The following PGBD5 variants were observed in gnomAD, a reference collection of about 807,000 sequenced individuals.
PGBD5 encodes the protein piggyBac transposable element derived 5.
Under a neutral mutation model 47.9 loss-of-function variants are expected in PGBD5, and 14 were observed. That is an observed-to-expected ratio of 0.29 (90% CI 0.19 to 0.46). PGBD5 has a LOEUF of 0.46. PGBD5 is among the 20% of genes least tolerant of loss of function. PGBD5 has a pLI of 1.00. For synonymous variants in PGBD5, 316 were observed against 306.3 expected, an observed-to-expected ratio of 1.03 and a Z score of -0.33; for missense variants, 635 against 716.0, an observed-to-expected ratio of 0.89 and a Z score of 1.29.
chr1:230,356,514 T>C (rs1238708296), intron 2 of PGBD5, among the ~76,000 whole-genome samples: 2 of 152,192 alleles, frequency 1.3e-5, no homozygotes, highest in South Asian at 2.1e-4. Flanking sequence ...AGGAGGCTTC[T>C]AGCCTCCTTT....
intron 1 of PGBD5, among the ~76,000 whole-genome samples, chr1:230,399,582 G>A (rs1190365611): frequency 6.6e-6 from 1 of 152,180 alleles, no homozygotes; most frequent in Non-Finnish European, 1.5e-5. Context: ...CATGGACCAC[G>A]TAGAGCCAGC....
chr1:230,417,689 C>G (rs1257399948), intron 1 of PGBD5, among the ~76,000 whole-genome samples: 1 of 152,198 alleles, frequency 6.6e-6, no homozygotes, highest in African/African-American at 2.4e-5. Flanking sequence ...TCCAACCCAG[C>G]TGGAGGAAGT....
At chr1:230,362,173 C>T in intron 1 of PGBD5, 7 of 1,249,750 alleles carry the variant, frequency 5.6e-6, no homozygotes, top group East Asian at 5.2e-5. Context: ...CTTCAGCAGG[C>T]TCACTCTGCT....
chr1:230,327,257 T>A (rs1159028174), intron 5 of PGBD5, among the ~76,000 whole-genome samples: 3 of 152,154 alleles, frequency 2.0e-5, no homozygotes, highest in African/African-American at 7.2e-5. Context: ...TTGTGAAATT[T>A]CAGCAATACT....
chr1:230,353,607 G>A (rs115078775), intron 2 of PGBD5, among the ~76,000 whole-genome samples: 4,175 of 152,218 alleles, frequency 0.027, 132 homozygotes, highest in African/African-American at 0.082. Context: ...TGTTTGGAGT[G>A]CAGCCCTGAA....
chr1:230,399,063 G>GT (rs1037230926), intron 1 of PGBD5, among the ~76,000 whole-genome samples: 4 of 151,726 alleles, frequency 2.6e-5, no homozygotes, highest in East Asian at 1.9e-4. Flanking sequence ...TACTAAGGGG[G>GT]GGTGGCTAAG....
intron 1 of PGBD5, among the ~76,000 whole-genome samples, chr1:230,410,267 T>C (rs1359532047): frequency 6.6e-6 from 1 of 152,096 alleles, no homozygotes; most frequent in Admixed American, 6.5e-5. Flanking sequence ...TTCTTAAAAT[T>C]CAAGAACATG....
intron 5 of PGBD5, among the ~76,000 whole-genome samples, chr1:230,327,509 G>A (rs994681180): frequency 1.3e-5 from 2 of 152,262 alleles, no homozygotes; most frequent in Non-Finnish European, 1.5e-5. Context: ...GCCAAGGCCT[G>A]CCCTAGAGAC....
intron 5 of PGBD5, 123 bp downstream of exon 5, chr1:230,332,721 G>T: frequency 8.9e-7 from 1 of 1,129,100 alleles, no homozygotes; most frequent in East Asian, 2.4e-5. Flanking sequence ...GAATAACCGA[G>T]GGTAGTCTGA....
chr1:230,384,010 G>C (rs182210956), intron 1 of PGBD5, among the ~76,000 whole-genome samples: 1 of 150,792 alleles, frequency 6.6e-6, no homozygotes, highest in African/African-American at 2.5e-5. Context: ...GAGAAACAGC[G>C]TGCTTGTCCC....
Position 230,367,483 on chromosome 1 carries a change from C to G in PGBD5, c.332-10162G>C, listed in dbSNP as rs185423342. The stretch of plus-strand genomic sequence containing the variant: ...TTGAGAGTCCGAGGCTGGAGGGTTG[C>G]TTAAGCCCAGGAGTTTGAGACCAGC... On this transcript the variant is annotated intron_variant, in intron 1 of 6. Coordinates refer to ENST00000391860, the MANE Select transcript of PGBD5 (RefSeq NM_001258311.2). 3.6e-3 allele frequency among the ~76,000 whole-genome samples: 554 copies of G among 152,290 alleles called. 1 individual carries two copies. Among genetic ancestry groups the G allele is most frequent in the Middle Eastern group, 6.8e-3 (2 of 294 alleles).
rs1168447583 is a variant in PGBD5 at position 230,426,065 on chromosome 1, G to T, written c.-137C>A. 4.2e-5 allele frequency: 13 copies of T among 311,910 alleles called. No individual in the cohort carries two copies. The highest frequency in any genetic ancestry group is 2.1e-4 in the African/African-American group (9 of 42,148). The allele number at this position is 311,910 out of a possible 1,614,324, so 19.3% of individuals were successfully genotyped here. A position where few individuals can be genotyped will look rare whatever the true frequency, so the allele number is the denominator to read the frequency against. On this transcript the variant is annotated 5_prime_UTR_variant, in exon 1 of 7. Coordinates refer to ENST00000391860, the MANE Select transcript of PGBD5 (RefSeq NM_001258311.2). Reference sequence around the variant, plus strand: ...AGCGCCCGCCGCCCCGTGCCCGGCCGGCCCGCCGTCTTGGCCGCCTCGGGC... The same window carrying T: ...AGCGCCCGCCGCCCCGTGCCCGGCCTGCCCGCCGTCTTGGCCGCCTCGGGC...
At chr1:230,389,381 C>T (rs373861125) in intron 1 of PGBD5, among the ~76,000 whole-genome samples, 2 of 151,986 alleles carry the variant, frequency 1.3e-5, no homozygotes, top group East Asian at 3.9e-4. Context: ...CCATGTTGGC[C>T]AGTCTGGTCT....
chr1:230,323,707 G>T lies in PGBD5; in HGVS notation c.1380-87C>A. ...CAAAGGCCCCCCCTCACCACAGCCC[G>T]TGAGACGCTGCAGGTTCGCCCCCGA... is the stretch of plus-strand genomic sequence containing the variant. On this transcript the variant is annotated intron_variant, in intron 6 of 6. Coordinates refer to ENST00000391860, the MANE Select transcript of PGBD5 (RefSeq NM_001258311.2). The surrounding 1 kb of genome is among the most constrained non-coding windows in gnomAD (Gnocchi z 4.1). The T allele has an allele frequency of 1.5e-6, 2 of 1,340,214 alleles. No homozygotes were observed. Among genetic ancestry groups the T allele is most frequent in the African/African-American group, 1.4e-5 (1 of 69,034 alleles). The allele number at this position is 1,340,214 out of a possible 1,614,324, so 83.0% of individuals were successfully genotyped here. A position where few individuals can be genotyped will look rare whatever the true frequency, so the allele number is the denominator to read the frequency against.
intron 1 of PGBD5, among the ~76,000 whole-genome samples, chr1:230,405,151 C>T (rs6676719): frequency 0.16 from 24,469 of 148,836 alleles, 2,603 homozygotes; most frequent in Admixed American, 0.33. Flanking sequence ...GCTGAGATTG[C>T]GCTACTGCAC....
intron 1 of PGBD5, among the ~76,000 whole-genome samples, chr1:230,414,019 T>C (rs1165580038): frequency 6.6e-6 from 1 of 152,200 alleles, no homozygotes. Context: ...CTGCAGCTGA[T>C]AAATTGATGG....
chr1:230,325,564 TCAG>T, intron 5 of PGBD5, 149 bp from the exon 6 acceptor site: 1 of 640,634 alleles, frequency 1.6e-6, no homozygotes, highest in Non-Finnish European at 2.8e-6. Context: ...AGAAGAACAA[TCAG>T]CACCAACCAC....
Position 230,356,935 on chromosome 1 carries a change from G to A in PGBD5, c.718C>T (p.Gln240Ter). ...CTGAAGGCAGAGTCGAAGCTGTTCT[G>A]CAGGGAGTCGAGGAAGGGCTGGACC... ...YKVQPFLDSL[Q>*]NSFDSAFRPS... The change falls in exon 2 of 7, where the codon CAG (glutamine) becomes TAG (stop). Residue 240 changes from glutamine (Q) to a stop codon, truncating the protein, a stop_gained. Transcript: ENST00000391860. LOFTEE classifies it high-confidence loss of function. The A allele has an allele frequency of 6.2e-7, 1 of 1,614,186 alleles. No individual in the cohort carries two copies. The highest frequency in any genetic ancestry group is 8.5e-7 in the Non-Finnish European group (1 of 1,180,030).
At chr1:230,404,271 GA>G (rs1171364686) in intron 1 of PGBD5, among the ~76,000 whole-genome samples, 4 of 152,124 alleles carry the variant, frequency 2.6e-5, no homozygotes, top group Non-Finnish European at 5.9e-5. Context: ...TGGAGCCTAG[GA>G]GCTCGAGACT....
Sources: gnomAD v4.1 joint callset for allele counts (sites outside exome capture counted in the v4.1 genomes callset) on GRCh38, gnomAD v4.1.1 for gene constraint, Gnocchi (gnomAD v3.1) non-coding constraint, MANE v1.5 for transcripts, NCBI Gene and HGNC (gene_info 2026-07-23, HGNC 2026-07-21) for gene names.